Variants in OR9Q1 observed in about 807,000 individuals in gnomAD.
The protein encoded by OR9Q1 is olfactory receptor family 9 subfamily Q member 1.
For missense variants in OR9Q1, 374 were observed against 378.8 expected (o/e 0.99, Z 0.11); for synonymous variants, 153 against 148.6 (o/e 1.03, Z -0.22).
At chr11:58,043,240 T>C (rs534029933) in intron 1 of OR9Q1, among the ~76,000 whole-genome samples, 2 of 152,320 alleles carry the variant, frequency 1.3e-5, no homozygotes, top group East Asian at 1.9e-4. Flanking sequence ...CTCAGCTTCA[T>C]TCGGTGGAAA....
intron 2 of OR9Q1, among the ~76,000 whole-genome samples, chr11:58,106,613 G>A (rs891023560): frequency 1.3e-5 from 2 of 152,092 alleles, no homozygotes; most frequent in Admixed American, 6.6e-5. Flanking sequence ...TTGTTTAGGA[G>A]TTTTACAGTT....
intron 2 of OR9Q1, chr11:58,119,522 C>G: frequency 1.0e-6 from 1 of 995,268 alleles, no homozygotes. Flanking sequence ...GAATCTTTCC[C>G]TCTATGGTGG....
intron 2 of OR9Q1, among the ~76,000 whole-genome samples, chr11:58,102,232 G>C (rs1430030875): frequency 7.0e-6 from 1 of 143,642 alleles, no homozygotes; most frequent in Non-Finnish European, 1.5e-5. Context: ...TTGCTTTCTG[G>C]TTGTTTTGTA....
chr11:58,026,937 C>T (rs1321705402), intron 1 of OR9Q1: 2 of 152,158 alleles, frequency 1.3e-5, no homozygotes, highest in Non-Finnish European at 2.9e-5. Flanking sequence ...TCAATCCAAT[C>T]TATTTGACAA....
At position 58,180,363 on chromosome 11, in the gene OR9Q1, G is replaced by A. The variant is rs760757927; in HGVS notation, c.919G>A (p.Ala307Thr). 7.6e-6 allele frequency: 12 copies of A among 1,587,472 alleles called. No homozygotes were observed. The Admixed American group carries it at 1.9e-4, about 25-fold the overall frequency. The stretch of plus-strand genomic sequence containing the variant: ...GGCCCTGAGAAAAATTCTCAATAGA[G>A]CCAAGTTGTCCTAACCATCTCCAAA... ...KEALRKILNR[A>T]KLS Residue 307 changes from alanine (A) to threonine (T), a missense_variant, in exon 3 of 3, where the codon GCC becomes ACC. By Grantham distance (58) the Ala-to-Thr change is moderately conservative. Transcript: ENST00000335397.
chr11:58,025,717 T>C (rs750072886), intron 1 of OR9Q1, among the ~76,000 whole-genome samples: 2 of 152,220 alleles, frequency 1.3e-5, no homozygotes, highest in Non-Finnish European at 2.9e-5. Flanking sequence ...TTTCATTTGA[T>C]TTCAGTTAGA....
chr11:58,178,518 ATGT>A (rs931182657), intron 2 of OR9Q1, among the ~76,000 whole-genome samples: 3 of 152,182 alleles, frequency 2.0e-5, no homozygotes, highest in African/African-American at 7.2e-5. Flanking sequence ...AGTTCCACGG[ATGT>A]TGTTCTAATC....
chr11:58,124,583 C>G (rs1409428329), intron 2 of OR9Q1: 3 of 152,158 alleles, frequency 2.0e-5, no homozygotes, highest in Admixed American at 6.5e-5. Context: ...ATTTGCTGAG[C>G]TCTTGCTCCA....
chr11:58,096,919 G>A (rs764307781), intron 2 of OR9Q1, among the ~76,000 whole-genome samples: 14 of 152,108 alleles, frequency 9.2e-5, no homozygotes, highest in Non-Finnish European at 1.6e-4. Flanking sequence ...AGCCAGGCTC[G>A]TCTCGAACTC....
chr11:58,027,334 T>C (rs1406888140), intron 1 of OR9Q1, among the ~76,000 whole-genome samples: 1 of 152,192 alleles, frequency 6.6e-6, no homozygotes, highest in Non-Finnish European at 1.5e-5. Flanking sequence ...TAAAGTGGTG[T>C]TCTTTTTCGC....
Position 58,172,313 on chromosome 11 carries a change from A to G in OR9Q1, c.-14-7118A>G, listed in dbSNP as rs576518670. ...GTGTGTTCTATATTCATTAAAATCTAGACAGAAAGTTTTATAGCAATCTTA... is the reference window on the plus strand; with the variant it reads ...GTGTGTTCTATATTCATTAAAATCTGGACAGAAAGTTTTATAGCAATCTTA... On this transcript the variant is annotated intron_variant, in intron 2 of 2. Transcript: ENST00000335397. Among the ~76,000 whole-genome samples the G allele has an allele frequency of 7.9e-5, 12 of 152,278 alleles. No homozygotes were observed. The South Asian group carries it at 2.5e-3, about 32-fold the overall frequency.
In OR9Q1 at chr11:58,180,214, T is replaced by G. The variant is rs1228661936; in HGVS notation, c.770T>G (p.Met257Arg). The change falls in exon 3 of 3, where the codon ATG becomes AGG. Residue 257 changes from methionine (M) to arginine (R), a missense_variant. By Grantham distance (91) the Met-to-Arg change is moderately conservative. Transcript: ENST00000335397. ...VSLFFGTLIF[M>R]YLRGNSDQSS... is the part of the protein sequence containing the mutation. Reference sequence around the variant, plus strand: ...CTCTTCTTTGGTACCCTCATCTTCATGTACTTGAGAGGTAACTCAGATCAG... The same window carrying G: ...CTCTTCTTTGGTACCCTCATCTTCAGGTACTTGAGAGGTAACTCAGATCAG... 23 of 1,614,028 alleles carry G rather than the reference T, an allele frequency of 1.4e-5. No homozygotes were observed. The highest frequency in any genetic ancestry group is 1.8e-5 in the Non-Finnish European group (21 of 1,180,026).
At chr11:58,177,983 A>G (rs1176256980) in intron 2 of OR9Q1, among the ~76,000 whole-genome samples, 1 of 152,188 alleles carries the variant, frequency 6.6e-6, no homozygotes, top group Admixed American at 6.5e-5. Flanking sequence ...TTCTAGGCAG[A>G]AGGGGTTTGT....
chr11:58,030,867 A>AGT, intron 1 of OR9Q1: 1 of 797,884 alleles, frequency 1.3e-6, no homozygotes, highest in Non-Finnish European at 2.1e-6. Context: ...AAGGCATTTT[A>AGT]GTACAACATC....
chr11:58,048,195 G>T (rs1192754704), intron 1 of OR9Q1, among the ~76,000 whole-genome samples: 3 of 152,056 alleles, frequency 2.0e-5, no homozygotes, highest in Admixed American at 1.3e-4. Context: ...GTTAGGATTG[G>T]TACCTAGGAT....
intron 2 of OR9Q1, among the ~76,000 whole-genome samples, chr11:58,070,370 T>G (rs1291187634): frequency 1.3e-5 from 2 of 151,882 alleles, no homozygotes; most frequent in Admixed American, 1.3e-4. Flanking sequence ...ACATTATACT[T>G]TTCCCCCCTC....
intron 2 of OR9Q1, chr11:58,118,457 TG>T: frequency 7.7e-7 from 1 of 1,296,798 alleles, no homozygotes; most frequent in Non-Finnish European, 1.1e-6. Flanking sequence ...TATATTCATA[TG>T]GGAAGAAAGT....
rs777611262 is a variant in OR9Q1 at position 58,119,357 on chromosome 11, C to T, written c.-14-60074C>T. On this transcript the variant is annotated intron_variant, in intron 2 of 2. Coordinates refer to ENST00000335397, the MANE Select transcript of OR9Q1 (RefSeq NM_001005212.4). ...GTGACTAGGTAGAAACTCAGAAACACCAGAAAGAGGGGAATCTCCAATTTG... is the reference window on the plus strand; with the variant it reads ...GTGACTAGGTAGAAACTCAGAAACATCAGAAAGAGGGGAATCTCCAATTTG... 2.5e-6 allele frequency: 4 copies of T among 1,613,828 alleles called. No homozygotes were observed. In the East Asian group the frequency reaches 8.9e-5, roughly 36 times the overall value.
At chr11:58,144,077 T>TACA (rs1393634339) in intron 2 of OR9Q1, among the ~76,000 whole-genome samples, 3 of 152,012 alleles carry the variant, frequency 2.0e-5, no homozygotes, top group Non-Finnish European at 4.4e-5. Context: ...GTGCACAATG[T>TACA]ACAGGTTTGT....
Sources: allele counts gnomAD v4.1 joint callset (sites outside exome capture counted in the v4.1 genomes callset), GRCh38; gene constraint gnomAD v4.1.1; transcripts MANE v1.5; gene names NCBI Gene and HGNC (gene_info 2026-07-23, HGNC 2026-07-21).